KHDRBS2: variants seen among roughly 807,000 people sequenced by gnomAD.
The protein encoded by KHDRBS2 is KH domain-containing, RNA-binding, signal transduction-associated protein 2.
Under a neutral mutation model 44.3 loss-of-function variants are expected in KHDRBS2, and 26 were observed. The observed-to-expected ratio is 0.59, with a 90% confidence interval of 0.43 to 0.81. The LOEUF (loss-of-function observed/expected upper bound fraction) is 0.81, where lower values mean the gene tolerates loss of function less well. Among genes scored for constraint, KHDRBS2 ranks in the 40% least tolerant of loss-of-function variants. The pLI is 0.00. For missense variants in KHDRBS2, 476 were observed against 433.1 expected (o/e 1.10, Z -0.88); for synonymous variants, 194 against 151.1 (o/e 1.28, Z -2.08).
At chr6:61,654,617 T>C in the KHDRBS2 span, among the ~76,000 whole-genome samples, 1 of 151,078 alleles carries the variant, frequency 6.6e-6, no homozygotes, top group African/African-American at 2.4e-5. Flanking sequence ...AAATGGGTAA[T>C]GAAAGAGACA....
the KHDRBS2 span, among the ~76,000 whole-genome samples, chr6:61,649,741 T>C: frequency 1.3e-5 from 2 of 152,084 alleles, no homozygotes; most frequent in East Asian, 3.9e-4. Context: ...CCTAATTGTC[T>C]CTCATCTCTA....
At chr6:61,966,333 C>T (rs1440883322) in intron 4 of KHDRBS2, among the ~76,000 whole-genome samples, 1 of 151,858 alleles carries the variant, frequency 6.6e-6, no homozygotes, top group Non-Finnish European at 1.5e-5. Context: ...ATATAATTTT[C>T]TAATATGAAA....
At chr6:61,851,548 GACACAGACAAT>G (rs1307844252) in intron 6 of KHDRBS2, among the ~76,000 whole-genome samples, 1 of 152,022 alleles carries the variant, frequency 6.6e-6, no homozygotes, top group Non-Finnish European at 1.5e-5. Context: ...AGGAAATCGG[GACACAGACAAT>G]ACATAGACTG....
At chr6:61,692,435 T>C (rs544350997) in intron 8 of KHDRBS2, among the ~76,000 whole-genome samples, 25 of 151,974 alleles carry the variant, frequency 1.6e-4, no homozygotes, top group Admixed American at 8.5e-4. Context: ...AATTTTAATA[T>C]TTAGATGTTA....
chr6:62,211,726 A>G (rs941212334), intron 1 of KHDRBS2, among the ~76,000 whole-genome samples: 2 of 152,192 alleles, frequency 1.3e-5, no homozygotes, highest in Admixed American at 1.3e-4. Context: ...AATTAGTTCA[A>G]CCATTGTGGA....
At chr6:62,179,218 A>G (rs1265562259) in intron 1 of KHDRBS2, among the ~76,000 whole-genome samples, 1 of 151,696 alleles carries the variant, frequency 6.6e-6, no homozygotes, top group African/African-American at 2.4e-5. Flanking sequence ...TACACTGCAT[A>G]ATTTTTACGA....
At chr6:61,967,903 CATATAT>C (rs34777524) in intron 4 of KHDRBS2, among the ~76,000 whole-genome samples, 39 of 142,938 alleles carry the variant, frequency 2.7e-4, no homozygotes, top group Non-Finnish European at 4.6e-4. Context: ...CACACACACA[CATATAT>C]ATATACACAT....
chr6:62,144,467 A>G (rs1813511349), intron 2 of KHDRBS2, among the ~76,000 whole-genome samples: 1 of 151,882 alleles, frequency 6.6e-6, no homozygotes, highest in Non-Finnish European at 1.5e-5. Context: ...AAACATTGAC[A>G]GTAGCTCAAT....
At chr6:62,071,172 C>G (rs1021064543) in intron 2 of KHDRBS2, among the ~76,000 whole-genome samples, 1 of 152,112 alleles carries the variant, frequency 6.6e-6, no homozygotes, top group African/African-American at 2.4e-5. Context: ...CCTTCGCCCA[C>G]TTGTTGATGG....
At chr6:62,048,387 T>C (rs1337807060) in intron 2 of KHDRBS2, among the ~76,000 whole-genome samples, 1 of 151,878 alleles carries the variant, frequency 6.6e-6, no homozygotes, top group East Asian at 1.9e-4. Context: ...TTAACGTAAG[T>C]CTATGAACCT....
At chr6:62,131,579 A>T (rs1810329993) in intron 2 of KHDRBS2, among the ~76,000 whole-genome samples, 1 of 152,288 alleles carries the variant, frequency 6.6e-6, no homozygotes, top group South Asian at 2.1e-4. Context: ...GATGAAACAT[A>T]GACATTCTAA....
At chr6:61,802,758 T>C (rs370388132) in intron 6 of KHDRBS2, among the ~76,000 whole-genome samples, 8 of 152,306 alleles carry the variant, frequency 5.3e-5, no homozygotes, top group East Asian at 1.9e-4. Flanking sequence ...GTACAGTTTG[T>C]GGCCTCAGGC....
chr6:61,796,230 A>G (rs1182409364), intron 6 of KHDRBS2, among the ~76,000 whole-genome samples: 2 of 152,064 alleles, frequency 1.3e-5, no homozygotes, highest in Non-Finnish European at 2.9e-5. Context: ...AAAAATAAAT[A>G]AGCTTGAAAC....
intron 2 of KHDRBS2, among the ~76,000 whole-genome samples, chr6:62,083,323 G>A (rs73758655): frequency 0.022 from 3,368 of 152,136 alleles, 132 homozygotes; most frequent in African/African-American, 0.076. Flanking sequence ...GAAAACCACC[G>A]TCCTACTCCA....
At chr6:62,218,780 A>C (rs929588991) in intron 1 of KHDRBS2, among the ~76,000 whole-genome samples, 1 of 151,922 alleles carries the variant, frequency 6.6e-6, no homozygotes, top group African/African-American at 2.4e-5. Context: ...AGTATCCATC[A>C]ACAGATAACT....
downstream of KHDRBS2, among the ~76,000 whole-genome samples, chr6:61,675,184 A>G (rs1765856799): frequency 6.6e-6 from 1 of 151,812 alleles, no homozygotes; most frequent in Non-Finnish European, 1.5e-5. Flanking sequence ...AAAAAGTTAC[A>G]TTTTAAAAAA....
At chr6:61,895,060 C>T (rs1037483080) in intron 5 of KHDRBS2, among the ~76,000 whole-genome samples, 2 of 148,282 alleles carry the variant, frequency 1.3e-5, no homozygotes, top group South Asian at 4.4e-4. Context: ...ATGATTAGTT[C>T]TTATAAAAAC....
At chr6:61,813,948 G>A (rs1285243296) in intron 6 of KHDRBS2, 1 of 455,522 alleles carries the variant, frequency 2.2e-6, no homozygotes, top group Non-Finnish European at 4.4e-6. Flanking sequence ...GAATCCTGAT[G>A]AACAACTCAG....
intron 6 of KHDRBS2, among the ~76,000 whole-genome samples, chr6:61,788,873 A>C (rs1784216529): frequency 6.6e-6 from 1 of 151,262 alleles, no homozygotes; most frequent in African/African-American, 2.4e-5. Flanking sequence ...TTTTCCAATA[A>C]ATTTTAAAAA....
Sources: gnomAD v4.1 joint callset for allele counts (sites outside exome capture counted in the v4.1 genomes callset) on GRCh38, gnomAD v4.1.1 for gene constraint, MANE v1.5 for transcripts, NCBI Gene and HGNC (gene_info 2026-07-23, HGNC 2026-07-21) for gene names.